ZPBP: variants seen among roughly 807,000 people sequenced by gnomAD.
ZPBP encodes the protein zona pellucida binding protein.
A neutral mutation model predicts 44.8 loss-of-function variants in ZPBP; 26 were observed. That is an observed-to-expected ratio of 0.58 (90% confidence interval 0.43 to 0.81). ZPBP has a LOEUF of 0.81. Ranked by LOEUF, ZPBP falls within the 30% of genes least tolerant of loss-of-function variation. ZPBP has a pLI of 0.00. For missense variants in ZPBP, 409 were observed against 434.0 expected (o/e 0.94, Z 0.51); for synonymous variants, 174 against 153.2 (o/e 1.14, Z -1.00).
chr7:49,985,870 G>A (rs570538074), intron 6 of ZPBP, among the ~76,000 whole-genome samples: 1 of 152,280 alleles, frequency 6.6e-6, no homozygotes, highest in South Asian at 2.1e-4. Context: ...CAGCCACTGG[G>A]GATTCATGCC....
At chr7:49,864,645 C>T (rs547141394) in intron 2 of ZPBP, among the ~76,000 whole-genome samples, 1 of 152,310 alleles carries the variant, frequency 6.6e-6, no homozygotes, top group Non-Finnish European at 1.5e-5. Context: ...TCCCGAATGG[C>T]TTCTGAGTTA....
chr7:49,998,547 T>C (rs1797960553), intron 6 of ZPBP, among the ~76,000 whole-genome samples: 1 of 152,220 alleles, frequency 6.6e-6, no homozygotes. Flanking sequence ...TTCTTATAAG[T>C]GATTAACTAC....
intron 6 of ZPBP, among the ~76,000 whole-genome samples, chr7:50,001,014 A>G (rs909923505): frequency 1.3e-5 from 2 of 152,138 alleles, no homozygotes; most frequent in African/African-American, 4.8e-5. Flanking sequence ...AAGAGGAAAG[A>G]CCATGTGAAG....
intron 4 of ZPBP, 35 bp from the exon 5 acceptor site, chr7:50,031,345 G>T (rs1254637324): frequency 1.3e-6 from 2 of 1,514,146 alleles, no homozygotes; most frequent in Non-Finnish European, 1.8e-6. Context: ...ACACAAAAAT[G>T]GTTATTTAAA....
At chr7:49,912,311 C>A in intron 1 of ZPBP, 1 of 999,646 alleles carries the variant, frequency 1.0e-6, no homozygotes, top group African/African-American at 1.6e-5. Context: ...ATTGTTGGTA[C>A]TTTTCCTTTT....
chr7:49,878,572 T>C (rs1791542295), intron 2 of ZPBP, among the ~76,000 whole-genome samples: 1 of 152,180 alleles, frequency 6.6e-6, no homozygotes, highest in Non-Finnish European at 1.5e-5. Context: ...TCGGTCTACT[T>C]TTTGCTCCTT....
At chr7:50,045,538 C>T (rs186832375) in intron 4 of ZPBP, among the ~76,000 whole-genome samples, 2 of 152,292 alleles carry the variant, frequency 1.3e-5, no homozygotes, top group East Asian at 1.9e-4. Context: ...AGTAAAATCC[C>T]ATTCACAATT....
intron 7 of ZPBP, among the ~76,000 whole-genome samples, chr7:49,970,621 G>A (rs2128769823): frequency 6.6e-6 from 1 of 150,632 alleles, no homozygotes; most frequent in Admixed American, 6.6e-5. Context: ...TTTCCAGTCA[G>A]AGCAGAATAA....
chr7:49,842,404 T>A, the ZPBP span, among the ~76,000 whole-genome samples: 1 of 152,220 alleles, frequency 6.6e-6, no homozygotes, highest in Non-Finnish European at 1.5e-5. Flanking sequence ...TTTAATTGGA[T>A]GCCTTTAGGT....
intron 2 of ZPBP, among the ~76,000 whole-genome samples, chr7:49,856,331 C>A (rs1405622445): frequency 2.0e-5 from 3 of 152,112 alleles, no homozygotes; most frequent in Admixed American, 2.0e-4. Context: ...GAGAGTCTGG[C>A]ACCTCCCTTT....
In ZPBP at chr7:50,093,133, G is replaced by A. The variant is rs773006342; in HGVS notation, c.62C>T (p.Ser21Phe). The part of the protein sequence containing the change: ...RGRRRTRAAG[S>F]LLSRAAILLF... ...GAGGATGGCGGCCCGAGAGAGCAGG[G>A]AGCCGGCGGCCCGGGTCCGCCGCCT... The change falls in exon 1 of 8, where the codon TCC (serine) becomes TTC (phenylalanine). Residue 21 changes from serine to phenylalanine, a missense_variant. By Grantham distance (155) the Ser-to-Phe change is radical. Around this residue, in one of 2 missense-constraint regions of ZPBP, gnomAD observed 367 missense variants for 363.1 expected, o/e 1.01. Coordinates refer to ENST00000046087, the MANE Select transcript of ZPBP (RefSeq NM_007009.3). The A allele has an allele frequency of 1.1e-5, 17 of 1,561,220 alleles. No individual in the cohort carries two copies. The highest frequency in any genetic ancestry group is 2.0e-4 in the Middle Eastern group (1 of 4,946).
intron 3 of ZPBP, among the ~76,000 whole-genome samples, chr7:50,069,012 A>C (rs944489361): frequency 6.6e-6 from 1 of 152,168 alleles, no homozygotes; most frequent in Non-Finnish European, 1.5e-5. Context: ...TCTGGCTCTT[A>C]GCAGGGGTCC....
intron 6 of ZPBP, among the ~76,000 whole-genome samples, chr7:49,995,662 T>C (rs146773734): frequency 1.1e-4 from 17 of 152,344 alleles, no homozygotes; most frequent in African/African-American, 4.1e-4. Context: ...TTTCCTGTGA[T>C]ATATATACAT....
At position 50,036,244 on chromosome 7, in the gene ZPBP, C is replaced by G. The variant is rs1475063888; in HGVS notation, c.488-4934G>C. ...TCTCGGCTCATTGCAACCTCCACCTCCCGGGTTCAAGCAATTCTCCTGCCT... is the reference window on the plus strand; with the variant it reads ...TCTCGGCTCATTGCAACCTCCACCTGCCGGGTTCAAGCAATTCTCCTGCCT... On this transcript the variant is annotated intron_variant, in intron 4 of 7. Transcript: ENST00000046087. 2.0e-5 allele frequency among the ~76,000 whole-genome samples: 3 copies of G among 152,296 alleles called. No individual in the cohort carries two copies. The East Asian group carries it at 5.8e-4, about 29-fold the overall frequency.
chr7:50,090,501 GTATA>G (rs1340789429), intron 1 of ZPBP, among the ~76,000 whole-genome samples: 2 of 151,104 alleles, frequency 1.3e-5, no homozygotes, highest in African/African-American at 2.4e-5. Flanking sequence ...GTATATGAGT[GTATA>G]TATATGTGTA....
chr7:49,928,265 G>A (rs1248223790), intron 1 of ZPBP, among the ~76,000 whole-genome samples: 1 of 152,176 alleles, frequency 6.6e-6, no homozygotes, highest in East Asian at 1.9e-4. Context: ...GCATTCCTAT[G>A]TGCTGTGTGC....
Position 49,888,567 on chromosome 7 carries a change from C to A in ZPBP, n.509+12551G>T, listed in dbSNP as rs577499447. Reference sequence around the variant, plus strand: ...GAGATCATAGCAGGCCTCCCTGAAGCCTCAGGCAGCCTGCATCCCAGCACA... The same window carrying A: ...GAGATCATAGCAGGCCTCCCTGAAGACTCAGGCAGCCTGCATCCCAGCACA... On this transcript the variant is annotated intron_variant and non_coding_transcript_variant, in intron 2 of 2. Transcript: ENST00000465922. 5.9e-5 allele frequency among the ~76,000 whole-genome samples: 9 copies of A among 152,282 alleles called. No homozygotes were observed. The East Asian group carries it at 1.4e-3, about 23-fold the overall frequency.
intron 2 of ZPBP, among the ~76,000 whole-genome samples, chr7:49,855,653 A>G (rs1384659908): frequency 3.9e-5 from 6 of 152,194 alleles, no homozygotes; most frequent in African/African-American, 1.4e-4. Flanking sequence ...CAGTTCTCCA[A>G]AATAATTTCT....
intron 7 of ZPBP, among the ~76,000 whole-genome samples, chr7:49,975,653 A>C (rs184562269): frequency 6.6e-6 from 1 of 152,080 alleles, no homozygotes; most frequent in Non-Finnish European, 1.5e-5. Flanking sequence ...CTATATTGCT[A>C]TTTCCAAGTG....
Sources: allele counts gnomAD v4.1 joint callset (sites outside exome capture counted in the v4.1 genomes callset), GRCh38; gene constraint gnomAD v4.1.1; regional missense constraint gnomAD v4.1.1; transcripts MANE v1.5; gene names NCBI Gene and HGNC (gene_info 2026-07-23, HGNC 2026-07-21).